Variants in CCSER1 observed in about 807,000 individuals in gnomAD.
CCSER1 encodes the protein serine-rich coiled-coil domain-containing protein 1.
CCSER1 carries 41 observed loss-of-function variants against 82.0 expected under a neutral mutation model. That is an observed-to-expected ratio of 0.50 (90% CI 0.39 to 0.65). The LOEUF (loss-of-function observed/expected upper bound fraction) is 0.65. Ranked by LOEUF, CCSER1 falls within the 30% of genes least tolerant of loss-of-function variation. The probability of loss-of-function intolerance (pLI) is 0.00; values close to 1 mark genes in which losing one functional copy is unlikely to be tolerated. For missense variants in CCSER1, 1,119 were observed against 1,064.2 expected (o/e 1.05, Z -0.72); for synonymous variants, 414 against 383.9 (o/e 1.08, Z -0.92).
intron 10 of CCSER1, among the ~76,000 whole-genome samples, chr4:91,324,600 A>G (rs1256364939): frequency 6.6e-6 from 1 of 152,192 alleles, no homozygotes; most frequent in African/African-American, 2.4e-5. Flanking sequence ...ACAACTATAA[A>G]CCTCATAGGC....
chr4:90,935,162 C>T (rs1730774178), intron 9 of CCSER1, among the ~76,000 whole-genome samples: 1 of 151,948 alleles, frequency 6.6e-6, no homozygotes. Flanking sequence ...TTCATTGCCT[C>T]CAACTCTCAT....
At chr4:90,812,411 C>T (rs533319051) in intron 7 of CCSER1, among the ~76,000 whole-genome samples, 2 of 152,178 alleles carry the variant, frequency 1.3e-5, no homozygotes, top group East Asian at 3.9e-4. Context: ...GTAGTAGAGG[C>T]CATGGATGTG....
intron 10 of CCSER1, among the ~76,000 whole-genome samples, chr4:91,518,879 C>G (rs547741547): frequency 1.3e-5 from 2 of 152,260 alleles, no homozygotes; most frequent in East Asian, 3.9e-4. Context: ...ACCAGGGGCC[C>G]AGATTGGTGA....
rs7659872 is a variant in CCSER1, at chr4:91,136,772, C to T, written c.2217+50778C>T. On this transcript the variant is annotated intron_variant, in intron 10 of 10. Coordinates refer to ENST00000509176, the MANE Select transcript of CCSER1 (RefSeq NM_001145065.2). ...TTCATTTTGAGTTATTTTATTTTTACGAAACTACTTGTGAATCATGGTTCT... is the reference window on the plus strand; with the variant it reads ...TTCATTTTGAGTTATTTTATTTTTATGAAACTACTTGTGAATCATGGTTCT... Among the ~76,000 whole-genome samples, 1,434 of 152,072 alleles carry T rather than the reference C, an allele frequency of 9.4e-3. 32 individuals carry two copies. Among genetic ancestry groups the T allele is most frequent in the African/African-American group, 0.033 (1,363 of 41,510 alleles).
chr4:90,127,773 G>C lies in CCSER1; in HGVS notation c.-100G>C, dbSNP rs1329905064. The C allele has an allele frequency of 6.5e-6, 1 of 153,012 alleles. No homozygotes were observed. The highest frequency in any genetic ancestry group is 2.4e-5 in the African/African-American group (1 of 41,466). 9.5% of individuals were successfully genotyped at this position (153,012 alleles called of 1,614,324 possible). A position where few individuals can be genotyped will look rare whatever the true frequency, so the allele number is the denominator to read the frequency against. ...ACCAGGAAGGACACCCCCGTGCCCC[G>C]AAGACATAAATCCCTGAGTGCCCGG... On this transcript the variant is annotated 5_prime_UTR_variant, in exon 1 of 11. Coordinates refer to ENST00000509176, the MANE Select transcript of CCSER1 (RefSeq NM_001145065.2).
At chr4:91,583,292 ATT>A in intron 10 of CCSER1, among the ~76,000 whole-genome samples, 1 of 151,514 alleles carries the variant, frequency 6.6e-6, no homozygotes, top group Admixed American at 6.6e-5. Context: ...AATAATCAGT[ATT>A]TCTCTATAAT....
intron 9 of CCSER1, among the ~76,000 whole-genome samples, chr4:90,925,801 T>A (rs1168065270): frequency 1.3e-5 from 2 of 152,256 alleles, no homozygotes; most frequent in Non-Finnish European, 2.9e-5. Flanking sequence ...CTTACTGTAT[T>A]GAATTAAGGT....
chr4:90,925,726 T>C (rs1328041606), intron 9 of CCSER1, among the ~76,000 whole-genome samples: 2 of 152,188 alleles, frequency 1.3e-5, no homozygotes, highest in Non-Finnish European at 2.9e-5. Context: ...TGGTAATTGT[T>C]AATCCTCATT....
In CCSER1 at chr4:90,203,179, T is replaced by G. The variant is rs558636164; in HGVS notation, c.-42+75348T>G. ...CTACTTTTAAATATTTAATCGTTTATGATAAAGTAGTTGATGATTTTTTCT... is the reference window on the plus strand; with the variant it reads ...CTACTTTTAAATATTTAATCGTTTAGGATAAAGTAGTTGATGATTTTTTCT... On this transcript the variant is annotated intron_variant, in intron 1 of 10. Transcript: ENST00000509176. Among the ~76,000 whole-genome samples the G allele has an allele frequency of 4.6e-5, 7 of 152,326 alleles. No individual in the cohort carries two copies. In the South Asian group the frequency reaches 1.5e-3, roughly 32 times the overall value.
chr4:90,925,065 T>C (rs1728886481), intron 9 of CCSER1, among the ~76,000 whole-genome samples: 1 of 152,172 alleles, frequency 6.6e-6, no homozygotes, highest in Admixed American at 6.5e-5. Context: ...TGCTAGTCCT[T>C]AGGATATAAA....
intron 7 of CCSER1, among the ~76,000 whole-genome samples, chr4:90,799,293 C>A (rs769911197): frequency 7.2e-5 from 11 of 152,262 alleles, no homozygotes; most frequent in Non-Finnish European, 1.5e-4. Context: ...GAGAGGTTGG[C>A]TGGTTCTGTG....
At chr4:91,099,778 A>C (rs1407331892) in intron 10 of CCSER1, among the ~76,000 whole-genome samples, 1 of 152,210 alleles carries the variant, frequency 6.6e-6, no homozygotes, top group African/African-American at 2.4e-5. Flanking sequence ...GTTCAGGTTA[A>C]GATAAAAGAC....
intron 9 of CCSER1, among the ~76,000 whole-genome samples, chr4:90,985,309 GC>G (rs1431680360): frequency 6.6e-6 from 1 of 150,806 alleles, no homozygotes; most frequent in East Asian, 2.0e-4. Flanking sequence ...GAAGTGATAG[GC>G]TTTTATTCCT....
At chr4:90,937,173 G>A (rs1436291215) in intron 9 of CCSER1, among the ~76,000 whole-genome samples, 9 of 152,106 alleles carry the variant, frequency 5.9e-5, no homozygotes, top group East Asian at 1.9e-4. Context: ...GAGAAACCAC[G>A]TGAAGGGAAG....
At chr4:90,923,332 C>T (rs1351629555) in intron 8 of CCSER1, 38 bp from the exon 9 acceptor site, 2 of 1,419,604 alleles carry the variant, frequency 1.4e-6, no homozygotes, top group Admixed American at 3.9e-5. Context: ...GTACACACCT[C>T]ACCAACAATG....
At chr4:90,524,904 T>G (rs1773569148) in intron 5 of CCSER1, among the ~76,000 whole-genome samples, 1 of 152,146 alleles carries the variant, frequency 6.6e-6, no homozygotes, top group Admixed American at 6.5e-5. Flanking sequence ...TTGCCAGTAT[T>G]AAGTATCTAG....
At chr4:90,764,509 T>C (rs947827865) in intron 7 of CCSER1, among the ~76,000 whole-genome samples, 2 of 152,110 alleles carry the variant, frequency 1.3e-5, no homozygotes, top group African/African-American at 2.4e-5. Flanking sequence ...TGTCACCCAA[T>C]AATGGTGGTT....
chr4:90,550,852 T>C (rs896741397), intron 5 of CCSER1, among the ~76,000 whole-genome samples: 2 of 152,280 alleles, frequency 1.3e-5, no homozygotes, highest in Admixed American at 1.3e-4. Context: ...GTGGTGGCCA[T>C]TGTAGTAGTT....
intron 1 of CCSER1, among the ~76,000 whole-genome samples, chr4:90,234,419 G>C (rs1405931848): frequency 1.3e-5 from 2 of 152,080 alleles, no homozygotes; most frequent in Non-Finnish European, 2.9e-5. Flanking sequence ...GTTTCACTAC[G>C]TTGGCCAGGC....
Sources: allele counts gnomAD v4.1 joint callset (sites outside exome capture counted in the v4.1 genomes callset), GRCh38; gene constraint gnomAD v4.1.1; transcripts MANE v1.5; gene names NCBI Gene and HGNC (gene_info 2026-07-23, HGNC 2026-07-21).